EIF2A: variants seen among roughly 807,000 people sequenced by gnomAD.
EIF2A encodes eukaryotic translation initiation factor 2A, also known as 65 kDa eukaryotic translation initiation factor 2A.
Under a neutral mutation model 75.2 loss-of-function variants are expected in EIF2A, and 62 were observed. The ratio of observed to expected loss-of-function variants is 0.82; its 90% confidence interval spans 0.67 to 1.02. EIF2A has a LOEUF of 1.02. EIF2A is among the 50% of genes least tolerant of loss of function. The pLI is 0.00. For synonymous variants in EIF2A, 207 were observed against 239.0 expected (o/e 0.87, Z 1.23); for missense variants, 611 against 677.7 (o/e 0.90, Z 1.09).
chr3:150,554,775 T>G (rs1723476936), intron 2 of EIF2A, among the ~76,000 whole-genome samples: 1 of 152,178 alleles, frequency 6.6e-6, no homozygotes, highest in South Asian at 2.1e-4. Flanking sequence ...CAATTTTTAT[T>G]AGGCCCAGTT....
intron 6 of EIF2A, chr3:150,567,362 G>A: frequency 5.2e-6 from 1 of 192,156 alleles, no homozygotes; most frequent in Non-Finnish European, 1.1e-5. Flanking sequence ...CTTTATTTCA[G>A]CGATTGAAGA....
intron 9 of EIF2A, among the ~76,000 whole-genome samples, 194 bp from the exon 10 acceptor site, chr3:150,571,764 A>G (rs529851826): frequency 6.6e-6 from 1 of 152,350 alleles, no homozygotes; most frequent in African/African-American, 2.4e-5. Context: ...AAGATTCAAT[A>G]GGGGTTCTTA....
At chr3:150,565,617 A>T (rs946418194) in intron 6 of EIF2A, among the ~76,000 whole-genome samples, 2 of 151,858 alleles carry the variant, frequency 1.3e-5, no homozygotes, top group African/African-American at 4.8e-5. Flanking sequence ...GTCCAAGCTG[A>T]GTGCAATCAT....
chr3:150,561,963 T>C (rs1427729168), intron 3 of EIF2A, among the ~76,000 whole-genome samples: 2 of 151,900 alleles, frequency 1.3e-5, no homozygotes, highest in African/African-American at 2.4e-5. Context: ...TTCTCCATGT[T>C]GGCCAGGCTG....
intron 1 of EIF2A, among the ~76,000 whole-genome samples, chr3:150,548,515 A>G (rs968191020): frequency 6.6e-6 from 1 of 152,114 alleles, no homozygotes; most frequent in African/African-American, 2.4e-5. Context: ...AGATACTCTA[A>G]ATCAGGGGTC....
At chr3:150,569,626 C>T (rs995560556) in intron 9 of EIF2A, among the ~76,000 whole-genome samples, 2 of 151,990 alleles carry the variant, frequency 1.3e-5, no homozygotes, top group Admixed American at 1.3e-4. Context: ...ACCATCCTGG[C>T]TAACATGGTG....
At chr3:150,572,612 CG>C in intron 10 of EIF2A, 83 bp downstream of exon 10, 1 of 1,355,208 alleles carries the variant, frequency 7.4e-7, no homozygotes, top group South Asian at 1.4e-5. Context: ...CCCAGCACTT[CG>C]GGAGGCCGAG....
intron 3 of EIF2A, chr3:150,558,852 C>T (rs1723704877): frequency 1.3e-5 from 2 of 153,190 alleles, no homozygotes; most frequent in African/African-American, 4.8e-5. Flanking sequence ...TTACTAACAA[C>T]TGCCTGCAGT....
chr3:150,551,031 G>A (rs1244876644), intron 1 of EIF2A, among the ~76,000 whole-genome samples: 2 of 152,188 alleles, frequency 1.3e-5, no homozygotes, highest in East Asian at 1.9e-4. Context: ...TTGACGCTCT[G>A]TCGTTTTTCT....
chr3:150,567,461 A>G (rs1724249685), intron 6 of EIF2A: 2 of 429,636 alleles, frequency 4.7e-6, no homozygotes, highest in Non-Finnish European at 8.3e-6. Context: ...GTATAATCCC[A>G]TTACTTGCCT....
chr3:150,578,265 T>TA (rs1194331867), intron 11 of EIF2A, among the ~76,000 whole-genome samples: 1 of 149,328 alleles, frequency 6.7e-6, no homozygotes, highest in Non-Finnish European at 1.5e-5. Context: ...AATAATTACT[T>TA]ACATAATTAC....
rs898806861 is a variant in EIF2A at position 150,568,178 on chromosome 3, A to G, written c.697A>G (p.Thr233Ala). Residue 233 changes from threonine to alanine, a missense_variant and splice_region_variant, in exon 9 of 14, where the codon ACT (threonine) becomes GCT (alanine). Coordinates refer to ENST00000460851, the MANE Select transcript of EIF2A (RefSeq NM_032025.5). The stretch of plus-strand genomic sequence containing the variant: ...AATTAAAGTTTTTACTGTTATAGCT[A>G]CTGCTGTGTTGGTAATAGCTAGCAC... ...KVTMLWNKKA[T>A]AVLVIASTDV... 3.1e-6 allele frequency: 5 copies of G among 1,611,500 alleles called. No homozygotes were observed. In the Admixed American group the frequency reaches 8.4e-5, roughly 27 times the overall value.
chr3:150,561,666 AG>A (rs1249829492), intron 3 of EIF2A, among the ~76,000 whole-genome samples: 5 of 152,098 alleles, frequency 3.3e-5, no homozygotes, highest in African/African-American at 1.2e-4. Flanking sequence ...GCTTCTCTAT[AG>A]ATTAGTTTTG....
At chr3:150,577,589 C>T (rs6440683) in intron 11 of EIF2A, among the ~76,000 whole-genome samples, 121,716 of 151,662 alleles carry the variant, frequency 0.8, 49,298 homozygotes, top group East Asian at 0.91. Flanking sequence ...TTGGTTTTGG[C>T]TTGGTTTTTT....
chr3:150,561,493 A>G (rs1576592910), intron 3 of EIF2A, among the ~76,000 whole-genome samples: 1 of 152,200 alleles, frequency 6.6e-6, no homozygotes, highest in East Asian at 1.9e-4. Flanking sequence ...CAGGAGAATC[A>G]CTTAAACCCA....
At chr3:150,569,437 AAAT>A (rs1389808441) in intron 9 of EIF2A, among the ~76,000 whole-genome samples, 1 of 151,252 alleles carries the variant, frequency 6.6e-6, no homozygotes, top group Non-Finnish European at 1.5e-5. Flanking sequence ...TTTTTTAACT[AAAT>A]AAACTGGCTG....
intron 1 of EIF2A, among the ~76,000 whole-genome samples, chr3:150,548,802 C>T (rs1723173100): frequency 6.6e-6 from 1 of 152,156 alleles, no homozygotes; most frequent in Admixed American, 6.5e-5. Context: ...TCAGTCTACT[C>T]TTCATATTCT....
At chr3:150,576,434 A>G (rs1255869622) in intron 11 of EIF2A, among the ~76,000 whole-genome samples, 2 of 152,218 alleles carry the variant, frequency 1.3e-5, no homozygotes, top group Non-Finnish European at 2.9e-5. Flanking sequence ...TGACTCGAAA[A>G]AAAAAGAAAA....
chr3:150,582,620 T>C (rs1404435474), intron 12 of EIF2A, among the ~76,000 whole-genome samples: 1 of 152,176 alleles, frequency 6.6e-6, no homozygotes, highest in Non-Finnish European at 1.5e-5. Context: ...GGTCACTCAA[T>C]ACTTTTATAC....
Sources: gnomAD v4.1 joint callset for allele counts (sites outside exome capture counted in the v4.1 genomes callset) on GRCh38, gnomAD v4.1.1 for gene constraint, MANE v1.5 for transcripts, NCBI Gene and HGNC (gene_info 2026-07-23, HGNC 2026-07-21) for gene names.